The following SHANK2 variants were observed in gnomAD, a reference collection of about 807,000 sequenced individuals.
The protein encoded by SHANK2 is SH3 and multiple ankyrin repeat domains protein 2.
Under a neutral mutation model 133.7 loss-of-function variants are expected in SHANK2, and 43 were observed. That is an observed-to-expected ratio of 0.32 (90% CI 0.25 to 0.41). The LOEUF (loss-of-function observed/expected upper bound fraction) is 0.41, where lower values mean the gene tolerates loss of function less well. Among genes scored for constraint, SHANK2 ranks in the 10% least tolerant of loss-of-function variants. The probability of loss-of-function intolerance (pLI) is 1.00; values close to 1 mark genes in which losing one functional copy is unlikely to be tolerated. For missense variants in SHANK2, 1,994 were observed against 2,235.8 expected (o/e 0.89, Z 2.18); for synonymous variants, 1,017 against 952.8 (o/e 1.07, Z -1.24).
intron 17 of SHANK2, among the ~76,000 whole-genome samples, chr11:70,562,667 C>T (rs1386733426): frequency 3.3e-5 from 5 of 152,120 alleles, no homozygotes; most frequent in African/African-American, 4.8e-5. Flanking sequence ...ATAATTAAAG[C>T]GAGTGCTCCT....
intron 10 of SHANK2, among the ~76,000 whole-genome samples, chr11:70,949,325 C>T (rs2135886003): frequency 6.6e-6 from 1 of 152,322 alleles, no homozygotes; most frequent in Middle Eastern, 3.4e-3. Flanking sequence ...AGCAACGTCC[C>T]CAGGCCTGGC....
intron 2 of SHANK2, among the ~76,000 whole-genome samples, chr11:71,208,303 G>T (rs1565515319): frequency 5.9e-5 from 9 of 152,046 alleles, no homozygotes. Context: ...CAGCAGAAGT[G>T]TCAGGGGAGA....
At chr11:70,786,033 C>T (rs78011393) in intron 14 of SHANK2, among the ~76,000 whole-genome samples, 2,512 of 152,250 alleles carry the variant, frequency 0.016, 26 homozygotes, top group Non-Finnish European at 0.026. Flanking sequence ...TGTAGAGGTT[C>T]CCACACTGCA....
intron 2 of SHANK2, among the ~76,000 whole-genome samples, chr11:71,184,472 T>C (rs114725741): frequency 6.6e-6 from 1 of 152,158 alleles, no homozygotes; most frequent in African/African-American, 2.4e-5. Flanking sequence ...CTGGGTTCAC[T>C]GATGGTTCAA....
At chr11:70,876,592 C>T (rs1949569394) in intron 11 of SHANK2, among the ~76,000 whole-genome samples, 1 of 147,374 alleles carries the variant, frequency 6.8e-6, no homozygotes, top group South Asian at 2.1e-4. Context: ...AAATTATACA[C>T]ACACACACAC....
chr11:70,825,222 A>G (rs1443922305), intron 11 of SHANK2, among the ~76,000 whole-genome samples: 2 of 152,242 alleles, frequency 1.3e-5, no homozygotes, highest in Non-Finnish European at 2.9e-5. Flanking sequence ...ATTAGGAAAA[A>G]AAAAGTCTAT....
rs375362285 is a variant in SHANK2 at position 71,217,122 on chromosome 11, G to C, written c.-13+7575C>G. 1.4e-4 allele frequency among the ~76,000 whole-genome samples: 22 copies of C among 152,252 alleles called. No individual in the cohort carries two copies. In the East Asian group the frequency reaches 1.7e-3, roughly 12 times the overall value. On this transcript the variant is annotated intron_variant, in intron 2 of 25. Transcript: ENST00000601538. ...TGAGGCAGAAGAATCGCTTGAACCC[G>C]GGGGGTAGAAGATGAAGTGAGTCAA...
intron 11 of SHANK2, among the ~76,000 whole-genome samples, chr11:70,879,538 C>A (rs1474860905): frequency 1.3e-5 from 2 of 152,200 alleles, no homozygotes; most frequent in Admixed American, 6.5e-5. Context: ...ACGGAAAATT[C>A]CGGATTGGAA....
intron 15 of SHANK2, among the ~76,000 whole-genome samples, chr11:70,669,994 T>C (rs1287753268): frequency 6.6e-6 from 1 of 152,226 alleles, no homozygotes; most frequent in Non-Finnish European, 1.5e-5. Context: ...GTGGGTGTGA[T>C]GTCTGATCAG....
chr11:71,224,347 C>A (rs181292565), intron 2 of SHANK2, among the ~76,000 whole-genome samples: 117 of 152,168 alleles, frequency 7.7e-4, no homozygotes, highest in African/African-American at 2.5e-3. Flanking sequence ...GAGGCGCACC[C>A]CCGTTCATGT....
At chr11:70,570,534 C>T (rs1591594047) in intron 17 of SHANK2, 1 of 152,320 alleles carries the variant, frequency 6.6e-6, no homozygotes, top group Non-Finnish European at 1.5e-5. Flanking sequence ...GCTGTGAACT[C>T]CTCCTTTGGA....
At chr11:70,894,456 G>C (rs1949902156) in intron 11 of SHANK2, among the ~76,000 whole-genome samples, 1 of 152,202 alleles carries the variant, frequency 6.6e-6, no homozygotes, top group African/African-American at 2.4e-5. Flanking sequence ...CAAAGTGCTA[G>C]GATTACAGGC....
At position 70,499,639 on chromosome 11, in the gene SHANK2, C is replaced by T. The variant is rs928985141; in HGVS notation, c.2308+931G>A. ...GTGTTCACACACAAACGTAATTGCA[C>T]GACATAGAAAGAAGGGTATTCTGTA... On this transcript the variant is annotated intron_variant, in intron 21 of 25. Coordinates refer to ENST00000601538, the MANE Select transcript of SHANK2 (RefSeq NM_012309.5). Among the ~76,000 whole-genome samples, 20 of 152,208 alleles carry T rather than the reference C, an allele frequency of 1.3e-4. No homozygotes were observed. In the East Asian group the frequency reaches 1.7e-3, roughly 13 times the overall value.
In SHANK2 at chr11:71,188,659, C is replaced by T. The variant is rs1442404374; in HGVS notation, c.-13+36038G>A. 6.6e-6 allele frequency among the ~76,000 whole-genome samples: 1 copy of T among 152,166 alleles called. No individual in the cohort carries two copies. The highest frequency in any genetic ancestry group is 1.5e-5 in the Non-Finnish European group (1 of 68,034). The stretch of plus-strand genomic sequence containing the variant: ...GTCAAGATGAAACTGAGGTGTGGGC[C>T]CAAATGCACCGTGCTGGTGCTAGAG... On this transcript the variant is annotated intron_variant, in intron 2 of 25. Transcript: ENST00000601538. The surrounding 1 kb of genome is among the most constrained non-coding windows in gnomAD (Gnocchi z 4.6).
intron 14 of SHANK2, among the ~76,000 whole-genome samples, chr11:70,709,551 G>A (rs1463947977): frequency 1.3e-5 from 2 of 152,194 alleles, no homozygotes; most frequent in South Asian, 2.1e-4. Flanking sequence ...GAGCCTACTC[G>A]GTGACCACAG....
In SHANK2 at chr11:70,560,878, C is replaced by T. The variant is rs1290537543; in HGVS notation, c.2062-57947G>A. On this transcript the variant is annotated intron_variant, in intron 17 of 25. Coordinates refer to ENST00000601538, the MANE Select transcript of SHANK2 (RefSeq NM_012309.5). Reference sequence around the variant, plus strand: ...AACTCCTCAAGTGATTCGCCTGCCTCGGCCTCCCAAAGTGCCGGGATTACA... The same window carrying T: ...AACTCCTCAAGTGATTCGCCTGCCTTGGCCTCCCAAAGTGCCGGGATTACA... Among the ~76,000 whole-genome samples the T allele has an allele frequency of 4.6e-5, 7 of 152,204 alleles. No homozygotes were observed. In the South Asian group the frequency reaches 1.2e-3, roughly 27 times the overall value.
intron 11 of SHANK2, among the ~76,000 whole-genome samples, chr11:70,875,579 A>G (rs2135557480): frequency 6.6e-6 from 1 of 151,776 alleles, no homozygotes; most frequent in South Asian, 2.1e-4. Context: ...CATGTCTGGG[A>G]GCTGGGCATG....
chr11:71,246,285 G>C (rs1459005758), intron 1 of SHANK2, among the ~76,000 whole-genome samples: 8 of 152,102 alleles, frequency 5.3e-5, no homozygotes, highest in African/African-American at 1.9e-4. Flanking sequence ...CAGCTGTCCA[G>C]ACTCTTGGCC....
rs1555008455 is a variant in SHANK2 at position 70,646,836 on chromosome 11, T to TA, written c.2061+12991dup. Among the ~76,000 whole-genome samples, 233 of 90,676 alleles carry TA rather than the reference T, an allele frequency of 2.6e-3. 2 individuals carry two copies. The highest frequency in any genetic ancestry group is 4.6e-3 in the Non-Finnish European group (177 of 38,140). 59.5% of individuals were successfully genotyped at this position (90,676 alleles called of 152,430 possible). ...GAATCTAACTTTTATTTATTTTATT[T>TA]ATTTATTTATTTATTTATTTATTTA... On this transcript the variant is annotated intron_variant, in intron 17 of 25. Coordinates refer to ENST00000601538, the MANE Select transcript of SHANK2 (RefSeq NM_012309.5).
Sources: gnomAD v4.1 joint callset for allele counts (sites outside exome capture counted in the v4.1 genomes callset) on GRCh38, gnomAD v4.1.1 for gene constraint, Gnocchi (gnomAD v3.1) non-coding constraint, MANE v1.5 for transcripts, NCBI Gene and HGNC (gene_info 2026-07-23, HGNC 2026-07-21) for gene names.